Variants in CCDC33 observed in about 807,000 individuals in gnomAD.
CCDC33 encodes coiled-coil domain containing 33.
A neutral mutation model predicts 91.9 loss-of-function variants in CCDC33; 94 were observed. The observed-to-expected ratio is 1.02, with a 90% confidence interval of 0.87 to 1.21. The LOEUF (loss-of-function observed/expected upper bound fraction) is 1.21, where lower values mean the gene tolerates loss of function less well. Among genes scored for constraint, CCDC33 ranks in the 50% most tolerant of loss-of-function variants. The probability of loss-of-function intolerance (pLI) is 0.00; values close to 1 mark genes in which losing one functional copy is unlikely to be tolerated. For missense variants in CCDC33, 940 were observed against 935.5 expected (o/e 1.00, Z -0.06); for synonymous variants, 396 against 374.5 (o/e 1.06, Z -0.66).
At chr15:74,230,472 G>A (rs567240265) in intron 2 of CCDC33, among the ~76,000 whole-genome samples, 2 of 152,266 alleles carry the variant, frequency 1.3e-5, no homozygotes, top group Non-Finnish European at 1.5e-5. Flanking sequence ...CAAAAGCAAC[G>A]TTGCATCTTT....
intron 3 of CCDC33, among the ~76,000 whole-genome samples, chr15:74,264,167 T>C (rs1359994208): frequency 2.0e-5 from 3 of 148,708 alleles, no homozygotes; most frequent in Admixed American, 6.7e-5. Context: ...TGGATGCTTG[T>C]TGGAACCGGT....
At chr15:74,277,678 T>C (rs193249751) in intron 7 of CCDC33, among the ~76,000 whole-genome samples, 1 of 152,318 alleles carries the variant, frequency 6.6e-6, no homozygotes, top group Admixed American at 6.5e-5. Flanking sequence ...CACTCCTGCC[T>C]GCACATGCAC....
intron 11 of CCDC33, among the ~76,000 whole-genome samples, chr15:74,320,098 C>A (rs1376945865): frequency 6.6e-6 from 1 of 152,106 alleles, no homozygotes; most frequent in South Asian, 2.1e-4. Flanking sequence ...AGATGACATT[C>A]GAGGGGAACC....
intron 1 of CCDC33, chr15:74,207,807 C>A (rs2074295618): frequency 6.5e-7 from 1 of 1,535,594 alleles, no homozygotes; most frequent in Admixed American, 2.0e-5. Context: ...CACTCACACA[C>A]ACATCCAACT....
chr15:74,220,928 G>A (rs144873231), intron 2 of CCDC33, among the ~76,000 whole-genome samples: 4 of 152,302 alleles, frequency 2.6e-5, no homozygotes, highest in Non-Finnish European at 4.4e-5. Flanking sequence ...CACCTTTCTG[G>A]TGCTGCTACT....
intron 2 of CCDC33, among the ~76,000 whole-genome samples, chr15:74,210,952 A>G (rs1256053363): frequency 1.3e-5 from 2 of 152,184 alleles, no homozygotes; most frequent in African/African-American, 4.8e-5. Flanking sequence ...AGTTAAGTAG[A>G]ATAGAGCAGT....
chr15:74,318,676 C>T, intron 11 of CCDC33: 1 of 760,860 alleles, frequency 1.3e-6, no homozygotes, highest in South Asian at 1.4e-5. Context: ...GCCCCCTCGC[C>T]CACTGGTTCT....
intron 17 of CCDC33, 151 bp from the exon 18 acceptor site, chr15:74,334,824 C>T: frequency 3.0e-6 from 2 of 668,518 alleles, no homozygotes; most frequent in Non-Finnish European, 2.6e-6. Context: ...CCTCACCCCG[C>T]CACCCCTGAG....
intron 15 of CCDC33, among the ~76,000 whole-genome samples, chr15:74,331,801 G>A (rs1596142298): frequency 6.6e-6 from 1 of 152,198 alleles, no homozygotes; most frequent in East Asian, 1.9e-4. Flanking sequence ...AGGCCGAGGA[G>A]GGCAGATCAC....
Position 74,295,771 on chromosome 15 carries a change from G to T in CCDC33, c.1113G>T (p.Leu371Phe). 1.9e-6 allele frequency: 3 copies of T among 1,612,736 alleles called. No homozygotes were observed. Among genetic ancestry groups the T allele is most frequent in the South Asian group, 1.1e-5 (1 of 90,860 alleles). ...CTTCTCAGAGACCAGAAAACTTCTT[G>T]ACACCAAACAACAGCAAGGCTCTTC... is the stretch of plus-strand genomic sequence containing the variant. ...LLSSERPENF[L>F]TPNNSKALPT... The change falls in exon 11 of 19, where the codon TTG becomes TTT. Residue 371 changes from leucine (L) to phenylalanine (F), a missense_variant. By Grantham distance (22) the Leu-to-Phe change is conservative. Transcript: ENST00000398814.
Position 74,330,075 on chromosome 15 carries a change from T to A in CCDC33, c.1291-114T>A, listed in dbSNP as rs2060395334. ...AAGACTTAGGGCCATGGCTTGGGGC[T>A]CCTGGTGCTCACTGGCCTTGTGGGG... is the stretch of plus-strand genomic sequence containing the variant. On this transcript the variant is annotated intron_variant, in intron 11 of 18. Coordinates refer to ENST00000398814, the MANE Select transcript of CCDC33 (RefSeq NM_025055.5). The A allele has an allele frequency of 8.8e-6, 11 of 1,245,224 alleles. No individual in the cohort carries two copies. In the South Asian group the frequency reaches 1.6e-4, roughly 18 times the overall value. 77.1% of individuals were successfully genotyped at this position (1,245,224 alleles called of 1,614,324 possible).
intron 2 of CCDC33, among the ~76,000 whole-genome samples, chr15:74,225,925 C>A (rs534761105): frequency 2.6e-4 from 39 of 152,268 alleles, no homozygotes; most frequent in African/African-American, 9.1e-4. Flanking sequence ...GGGTCAGGAG[C>A]AGCTGAGGCC....
intron 7 of CCDC33, 102 bp from the exon 8 acceptor site, chr15:74,279,861 A>G: frequency 6.8e-7 from 1 of 1,477,492 alleles, no homozygotes; most frequent in Non-Finnish European, 9.1e-7. Context: ...GTTGGGAGAA[A>G]CATTTGTGAC....
At chr15:74,223,107 G>A (rs112065882) in intron 2 of CCDC33, among the ~76,000 whole-genome samples, 4 of 152,150 alleles carry the variant, frequency 2.6e-5, no homozygotes, top group African/African-American at 9.6e-5. Flanking sequence ...GGGGGCTGGC[G>A]TGGCTGGGGA....
At chr15:74,237,284 A>G (rs901606824) in intron 1 of CCDC33, among the ~76,000 whole-genome samples, 30 of 150,824 alleles carry the variant, frequency 2.0e-4, no homozygotes, top group African/African-American at 7.2e-4. Flanking sequence ...GGTGCTTAAT[A>G]AAAAGCTGTG....
intron 2 of CCDC33, among the ~76,000 whole-genome samples, chr15:74,220,917 GCACCTTT>G (rs1431486678): frequency 6.6e-6 from 1 of 152,180 alleles, no homozygotes; most frequent in Admixed American, 6.5e-5. Context: ...AGGAAGGCAG[GCACCTTT>G]CTGGTGCTGC....
At chr15:74,225,873 C>T (rs78808855) in intron 2 of CCDC33, among the ~76,000 whole-genome samples, 3,006 of 152,238 alleles carry the variant, frequency 0.02, 100 homozygotes, top group African/African-American at 0.069. Context: ...GCCAGCCCAG[C>T]CACCCCCAGC....
intron 3 of CCDC33, 68 bp from the exon 4 acceptor site, chr15:74,266,610 T>C: frequency 9.0e-7 from 1 of 1,107,170 alleles, no homozygotes; most frequent in South Asian, 1.3e-5. Flanking sequence ...CCTCTCACTG[T>C]CTCTCCTTAC....
chr15:74,252,529 T>C (rs2075741486), intron 2 of CCDC33, among the ~76,000 whole-genome samples: 1 of 152,216 alleles, frequency 6.6e-6, no homozygotes, highest in African/African-American at 2.4e-5. Context: ...GTTCTAACGG[T>C]GCAGTCCTGG....
Sources: gnomAD v4.1 joint callset for allele counts (sites outside exome capture counted in the v4.1 genomes callset) on GRCh38, gnomAD v4.1.1 for gene constraint, MANE v1.5 for transcripts, NCBI Gene and HGNC (gene_info 2026-07-23, HGNC 2026-07-21) for gene names.